The following PARP8 variants were observed in gnomAD, a reference collection of about 807,000 sequenced individuals.
PARP8 encodes poly(ADP-ribose) polymerase family member 8.
In PARP8, 51 loss-of-function variants were observed where a neutral mutation model predicts 124.1. The ratio of observed to expected loss-of-function variants is 0.41; its 90% CI spans 0.33 to 0.52. The LOEUF is 0.52. PARP8 is among the 20% of genes least tolerant of loss of function. The pLI, the probability that PARP8 is intolerant of heterozygous loss-of-function variation, is 0.21. For missense variants in PARP8, 860 were observed against 1,018.9 expected (o/e 0.84, Z 2.12); for synonymous variants, 391 against 361.5 (o/e 1.08, Z -0.93).
chr5:50,822,505 T>A (rs1185805290), intron 17 of PARP8, 105 bp downstream of exon 17: 3 of 850,222 alleles, frequency 3.5e-6, no homozygotes, highest in African/African-American at 3.4e-5. Flanking sequence ...ATTTAAAAAT[T>A]TGTGCGGTAT....
At chr5:50,740,914 T>A (rs1287278608) in intron 2 of PARP8, among the ~76,000 whole-genome samples, 1 of 152,222 alleles carries the variant, frequency 6.6e-6, no homozygotes, top group Non-Finnish European at 1.5e-5. Context: ...TGCTGAGGGT[T>A]GTATCATACT....
At position 50,666,903 on chromosome 5, in the gene PARP8, C is replaced by CCGT; in HGVS notation, c.-192_-191insGTC. On this transcript the variant is annotated 5_prime_UTR_variant, in exon 1 of 26. Transcript: ENST00000281631. ...ATCTGGGAATGCAAAGCCGACCTCCCCCTCCTCCTCCTCCTCCCCCTCCTC... is the reference window on the plus strand; with the variant it reads ...ATCTGGGAATGCAAAGCCGACCTCCCCGTCCTCCTCCTCCTCCTCCCCCTCCTC... 9.3e-7 allele frequency: 1 copy of CCGT among 1,073,222 alleles called. No individual in the cohort carries two copies. 66.5% of individuals were successfully genotyped at this position (1,073,222 alleles called of 1,614,324 possible).
intron 2 of PARP8, among the ~76,000 whole-genome samples, chr5:50,709,314 G>C (rs538660564): frequency 6.6e-6 from 1 of 151,578 alleles, no homozygotes; most frequent in Non-Finnish European, 1.5e-5. Context: ...ATTTCCAAAG[G>C]CTCTTTTTAA....
intron 2 of PARP8, among the ~76,000 whole-genome samples, chr5:50,732,840 G>T (rs932634550): frequency 2.0e-5 from 3 of 151,706 alleles, no homozygotes; most frequent in African/African-American, 7.3e-5. Flanking sequence ...GGATGGTCTC[G>T]ATCTCCTGAC....
intron 25 of PARP8, among the ~76,000 whole-genome samples, chr5:50,839,666 TTCTCTC>T (rs34544570): frequency 3.0e-4 from 44 of 147,486 alleles, no homozygotes; most frequent in Admixed American, 2.0e-3. Context: ...CTCTCTTTCT[TTCTCTC>T]TCTCTCTCTC....
intron 2 of PARP8, among the ~76,000 whole-genome samples, chr5:50,746,841 A>T (rs1356885851): frequency 6.6e-6 from 1 of 152,142 alleles, no homozygotes; most frequent in Non-Finnish European, 1.5e-5. Flanking sequence ...AGCCTGGGCA[A>T]TATAACAAGA....
Position 50,759,746 on chromosome 5 carries a change from T to A in PARP8, c.274+14T>A. 1 of 1,545,876 alleles carries A rather than the reference T, an allele frequency of 6.5e-7. No individual in the cohort carries two copies. The highest frequency in any genetic ancestry group is 8.6e-7 in the Non-Finnish European group (1 of 1,156,450). The stretch of plus-strand genomic sequence containing the variant: ...GAATAGCAACAGGTAATAGTAGTAT[T>A]ATTTTTTATACTAGGTTAATTTTTT... On this transcript the variant is annotated intron_variant, in intron 4 of 25. Coordinates refer to ENST00000281631, the MANE Select transcript of PARP8 (RefSeq NM_024615.4).
intron 3 of PARP8, among the ~76,000 whole-genome samples, chr5:50,758,748 A>G (rs1253662172): frequency 2.0e-5 from 3 of 152,206 alleles, no homozygotes; most frequent in African/African-American, 7.2e-5. Flanking sequence ...ATGCCCTGCA[A>G]TCATCAATGA....
chr5:50,713,234 A>T (rs1264207386), intron 2 of PARP8, among the ~76,000 whole-genome samples: 3 of 151,284 alleles, frequency 2.0e-5, no homozygotes, highest in Non-Finnish European at 4.4e-5. Flanking sequence ...TAAACTTTAG[A>T]TATTATTATT....
chr5:50,666,108 T>C (rs200457673), upstream of PARP8: 5 of 152,280 alleles, frequency 3.3e-5, no homozygotes, highest in South Asian at 4.1e-4. Context: ...AAAGGGGCTG[T>C]GTTTCGTAAA....
chr5:50,712,877 T>C (rs1048033776), intron 2 of PARP8, among the ~76,000 whole-genome samples: 2 of 151,850 alleles, frequency 1.3e-5, no homozygotes, highest in African/African-American at 4.8e-5. Flanking sequence ...AACATTAGGC[T>C]TGATTTTATT....
intron 2 of PARP8, among the ~76,000 whole-genome samples, chr5:50,747,412 T>C (rs1758708457): frequency 6.6e-6 from 1 of 152,132 alleles, no homozygotes; most frequent in Admixed American, 6.5e-5. Flanking sequence ...TGTAGTGTTC[T>C]ATGAAAATCA....
At chr5:50,673,306 A>G (rs191822073) in intron 2 of PARP8, among the ~76,000 whole-genome samples, 1,580 of 152,246 alleles carry the variant, frequency 0.01, 34 homozygotes, top group African/African-American at 0.037. Flanking sequence ...GAGTTTTAAA[A>G]CCACTGACCT....
chr5:50,687,018 C>T lies in PARP8; in HGVS notation c.146+18893C>T, dbSNP rs544683225. On this transcript the variant is annotated intron_variant, in intron 2 of 25. Coordinates refer to ENST00000281631, the MANE Select transcript of PARP8 (RefSeq NM_024615.4). Reference sequence around the variant, plus strand: ...AACATTCGGCTTCTAGTTACTTATGCAAATTTCTGCAGCCAGCTTGAATTT... The same window carrying T: ...AACATTCGGCTTCTAGTTACTTATGTAAATTTCTGCAGCCAGCTTGAATTT... Among the ~76,000 whole-genome samples the T allele has an allele frequency of 5.3e-5, 8 of 152,306 alleles. No homozygotes were observed. In the East Asian group the frequency reaches 1.3e-3, roughly 26 times the overall value.
chr5:50,777,248 T>C (rs1437028318), intron 7 of PARP8, among the ~76,000 whole-genome samples: 3 of 152,196 alleles, frequency 2.0e-5, no homozygotes, highest in African/African-American at 7.2e-5. Flanking sequence ...AATTATCACA[T>C]GTATGTAAGA....
intron 15 of PARP8, among the ~76,000 whole-genome samples, chr5:50,820,449 G>T (rs1276606535): frequency 2.0e-5 from 3 of 152,172 alleles, no homozygotes; most frequent in Admixed American, 6.5e-5. Flanking sequence ...CTGGCAAGGG[G>T]AGCCATGCTA....
intron 2 of PARP8, among the ~76,000 whole-genome samples, chr5:50,742,290 GT>G (rs1446364090): frequency 3.9e-5 from 6 of 152,118 alleles, no homozygotes; most frequent in African/African-American, 1.4e-4. Flanking sequence ...TTTGTGGCTA[GT>G]TTTTTTCCCC....
chr5:50,757,453 T>C (rs1760089559), intron 3 of PARP8, among the ~76,000 whole-genome samples: 2 of 152,164 alleles, frequency 1.3e-5, no homozygotes, highest in African/African-American at 4.8e-5. Context: ...TCTATCTCTG[T>C]GATCTGATCT....
chr5:50,688,538 G>A (rs753076564), intron 2 of PARP8, among the ~76,000 whole-genome samples: 10 of 152,050 alleles, frequency 6.6e-5, no homozygotes, highest in Non-Finnish European at 1.3e-4. Flanking sequence ...TTAATTTTTT[G>A]GACAATATTC....
Sources: allele counts gnomAD v4.1 joint callset (sites outside exome capture counted in the v4.1 genomes callset), GRCh38; gene constraint gnomAD v4.1.1; transcripts MANE v1.5; gene names NCBI Gene and HGNC (gene_info 2026-07-23, HGNC 2026-07-21).